The following NLGN1 variants were observed in gnomAD, a reference collection of about 807,000 sequenced individuals.
The protein encoded by NLGN1 is neuroligin-1.
A neutral mutation model predicts 65.5 loss-of-function variants in NLGN1; 12 were observed. The ratio of observed to expected loss-of-function variants is 0.18; its 90% confidence interval spans 0.12 to 0.30. The LOEUF is 0.30. Ranked by LOEUF, NLGN1 falls within the 10% of genes least tolerant of loss-of-function variation. NLGN1 has a pLI of 1.00. For missense variants in NLGN1, 750 were observed against 1,007.1 expected, an observed-to-expected ratio of 0.74 and a Z score of 3.46; for synonymous variants, 350 against 359.5, an observed-to-expected ratio of 0.97 and a Z score of 0.30.
At chr3:174,052,782 C>T (rs750936857) in intron 4 of NLGN1, among the ~76,000 whole-genome samples, 5 of 151,912 alleles carry the variant, frequency 3.3e-5, no homozygotes, top group South Asian at 2.1e-4. Context: ...GTGTGATTTT[C>T]GGTACTGGAA....
chr3:173,807,699 T>A, exon 4 of NLGN1: 1 of 1,613,520 alleles, frequency 6.2e-7, no homozygotes, highest in Non-Finnish European at 8.5e-7. Flanking sequence ...ACAGTGGGGG[T>A]CCCAAACCAG....
intron 2 of NLGN1, among the ~76,000 whole-genome samples, chr3:173,576,815 T>C (rs1312961830): frequency 6.6e-6 from 1 of 152,156 alleles, no homozygotes; most frequent in Non-Finnish European, 1.5e-5. Flanking sequence ...TGGAGGGTAT[T>C]ATTCCAATTA....
chr3:173,629,111 T>A (rs1426397753), intron 3 of NLGN1, among the ~76,000 whole-genome samples: 1 of 152,110 alleles, frequency 6.6e-6, no homozygotes, highest in Non-Finnish European at 1.5e-5. Flanking sequence ...TTTTTATTTT[T>A]CAATTTAATC....
chr3:174,256,974 A>G (rs768800593), intron 4 of NLGN1, among the ~76,000 whole-genome samples: 5 of 152,222 alleles, frequency 3.3e-5, no homozygotes, highest in East Asian at 3.8e-4. Flanking sequence ...AAAACAGACA[A>G]TCTATCAAAT....
At chr3:173,714,228 A>G (rs1475393726) in intron 3 of NLGN1, among the ~76,000 whole-genome samples, 1 of 152,150 alleles carries the variant, frequency 6.6e-6, no homozygotes, top group Non-Finnish European at 1.5e-5. Flanking sequence ...TTTGGTGTTC[A>G]AAATGTATTT....
intron 4 of NLGN1, among the ~76,000 whole-genome samples, chr3:174,064,769 A>C (rs527428011): frequency 6.6e-6 from 1 of 150,842 alleles, no homozygotes; most frequent in Non-Finnish European, 1.5e-5. Context: ...TAAAAGAAAT[A>C]GTTCCTGAAG....
At chr3:173,670,140 T>G (rs1321163548) in intron 3 of NLGN1, among the ~76,000 whole-genome samples, 1 of 152,198 alleles carries the variant, frequency 6.6e-6, no homozygotes, top group Non-Finnish European at 1.5e-5. Context: ...TTAATTTTCA[T>G]GGAATTTGAA....
At chr3:173,857,072 TA>T (rs2150774561) in intron 4 of NLGN1, among the ~76,000 whole-genome samples, 1 of 151,572 alleles carries the variant, frequency 6.6e-6, no homozygotes, top group South Asian at 2.1e-4. Flanking sequence ...ATTTCTTATG[TA>T]GCTCATCTTA....
At chr3:173,975,993 A>T (rs1301928068) in intron 4 of NLGN1, among the ~76,000 whole-genome samples, 1 of 152,042 alleles carries the variant, frequency 6.6e-6, no homozygotes, top group Non-Finnish European at 1.5e-5. Context: ...TTACTAACTG[A>T]CTATTTATCT....
intron 2 of NLGN1, among the ~76,000 whole-genome samples, chr3:173,559,629 A>G (rs1160289463): frequency 2.0e-5 from 3 of 152,234 alleles, no homozygotes; most frequent in Non-Finnish European, 4.4e-5. Flanking sequence ...CCAGAAGTAG[A>G]AAGCCCACCA....
intron 4 of NLGN1, among the ~76,000 whole-genome samples, chr3:173,886,377 C>T (rs778423552): frequency 1.9e-4 from 29 of 151,956 alleles, no homozygotes; most frequent in Non-Finnish European, 3.1e-4. Flanking sequence ...TGTGAAAAAA[C>T]GTTTAAGGTA....
intron 4 of NLGN1, among the ~76,000 whole-genome samples, chr3:174,250,153 C>T (rs1413860374): frequency 6.6e-6 from 1 of 152,100 alleles, no homozygotes; most frequent in Non-Finnish European, 1.5e-5. Flanking sequence ...CTGTCATTAA[C>T]TCACTAGGGA....
intron 1 of NLGN1, among the ~76,000 whole-genome samples, chr3:173,426,418 C>T (rs1716116978): frequency 1.3e-5 from 2 of 151,992 alleles, no homozygotes; most frequent in African/African-American, 4.8e-5. Context: ...CCAAATTTGA[C>T]AATAAAGTTT....
chr3:173,944,124 G>GTTGTCTGTGTGTGTGTGT (rs34721217), intron 4 of NLGN1, among the ~76,000 whole-genome samples: 4 of 139,512 alleles, frequency 2.9e-5, no homozygotes, highest in African/African-American at 1.1e-4. Context: ...TAATATTATG[G>GTTGTCTGTGTGTGTGTGT]GTGTGTGTGT....
At chr3:173,446,774 G>T (rs958833154) in intron 2 of NLGN1, among the ~76,000 whole-genome samples, 19 of 152,216 alleles carry the variant, frequency 1.2e-4, no homozygotes, top group African/African-American at 2.2e-4. Flanking sequence ...TGTGAGATGG[G>T]ATCTCATTGT....
chr3:173,703,426 A>G (rs1459303183), intron 3 of NLGN1, among the ~76,000 whole-genome samples: 1 of 152,172 alleles, frequency 6.6e-6, no homozygotes, highest in Non-Finnish European at 1.5e-5. Context: ...CTTCCTTTTT[A>G]CACTGGCTTT....
intron 2 of NLGN1, among the ~76,000 whole-genome samples, chr3:173,541,908 CT>C (rs1008539990): frequency 6.6e-6 from 1 of 151,896 alleles, no homozygotes; most frequent in Admixed American, 6.6e-5. Flanking sequence ...TTTGTTCATT[CT>C]TTTTGCTGGG....
At chr3:173,442,642 ACT>A (rs1283123793) in intron 2 of NLGN1, among the ~76,000 whole-genome samples, 7 of 152,088 alleles carry the variant, frequency 4.6e-5, no homozygotes, top group Non-Finnish European at 1.0e-4. Flanking sequence ...GCTAGAAACA[ACT>A]CTAAAATTAT....
At chr3:173,764,568 G>T (rs896053372) in intron 3 of NLGN1, among the ~76,000 whole-genome samples, 1 of 152,158 alleles carries the variant, frequency 6.6e-6, no homozygotes, top group Non-Finnish European at 1.5e-5. Context: ...TTATTTTTCA[G>T]ATGGCATTGT....
Sources: allele counts gnomAD v4.1 joint callset (sites outside exome capture counted in the v4.1 genomes callset), GRCh38; gene constraint gnomAD v4.1.1; transcripts MANE v1.5; gene names NCBI Gene and HGNC (gene_info 2026-07-23, HGNC 2026-07-21).